The following YEATS2 variants were observed in gnomAD, a reference collection of about 807,000 sequenced individuals.
The protein encoded by YEATS2 is YEATS domain containing 2.
Under a neutral mutation model 163.2 loss-of-function variants are expected in YEATS2, and 77 were observed. The observed-to-expected ratio is 0.47, with a 90% CI of 0.39 to 0.57. The LOEUF (loss-of-function observed/expected upper bound fraction) is 0.57, where lower values mean the gene tolerates loss of function less well. Among genes scored for constraint, YEATS2 ranks in the 20% least tolerant of loss-of-function variants. YEATS2 has a pLI of 0.00. For synonymous variants in YEATS2, 631 were observed against 645.1 expected (o/e 0.98, Z 0.33); for missense variants, 1,549 against 1,729.8 (o/e 0.90, Z 1.85).
At chr3:183,786,092 A>G (rs768890694) in intron 19 of YEATS2, 33 bp from the exon 20 acceptor site, 1 of 1,601,174 alleles carries the variant, frequency 6.2e-7, no homozygotes, top group Non-Finnish European at 8.5e-7. Flanking sequence ...ATCCAAGGCA[A>G]CATGATTATT....
At position 183,733,845 on chromosome 3, in the gene YEATS2, C is replaced by CT. The variant is rs574799432; in HGVS notation, c.813-2862dup. 1.6e-3 allele frequency among the ~76,000 whole-genome samples: 237 copies of CT among 145,164 alleles called. No individual in the cohort carries two copies. In the Middle Eastern group the frequency reaches 0.025, roughly 15 times the overall value. On this transcript the variant is annotated intron_variant, in intron 7 of 30. Coordinates refer to ENST00000305135, the MANE Select transcript of YEATS2 (RefSeq NM_018023.5). Reference sequence around the variant, plus strand: ...CTAAAAGCCGTGATTGTGAACTTTGCTTTTTTTTTTTAGGTACAAGATAGT... The same window carrying CT: ...CTAAAAGCCGTGATTGTGAACTTTGCTTTTTTTTTTTTAGGTACAAGATAGT...
At chr3:183,787,843 A>C (rs1289041869) in intron 20 of YEATS2, among the ~76,000 whole-genome samples, 3 of 148,866 alleles carry the variant, frequency 2.0e-5, no homozygotes, top group Non-Finnish European at 4.5e-5. Context: ...TAAAAATACA[A>C]AAAAAAAAAA....
chr3:183,761,945 A>T, intron 14 of YEATS2, 152 bp from the exon 15 acceptor site: 2 of 1,018,324 alleles, frequency 2.0e-6, no homozygotes, highest in South Asian at 3.0e-5. Flanking sequence ...TTTAAGCAGT[A>T]TGTATATTTA....
chr3:183,701,203 C>T (rs573561828), intron 1 of YEATS2, among the ~76,000 whole-genome samples: 8 of 150,058 alleles, frequency 5.3e-5, no homozygotes, highest in African/African-American at 1.2e-4. Flanking sequence ...GCCTCAGCCT[C>T]CTGGGTAGGT....
intron 1 of YEATS2, among the ~76,000 whole-genome samples, chr3:183,700,760 G>A: frequency 9.9e-6 from 1 of 101,260 alleles, no homozygotes; most frequent in African/African-American, 4.0e-5. Flanking sequence ...GACAGAGGGA[G>A]ACTTCGTCTC....
intron 21 of YEATS2, among the ~76,000 whole-genome samples, chr3:183,795,272 A>G (rs1450799993): frequency 6.6e-6 from 1 of 151,760 alleles, no homozygotes; most frequent in Non-Finnish European, 1.5e-5. Context: ...TACAACATAT[A>G]CATTCCTTTT....
intron 6 of YEATS2, 85 bp downstream of exon 6, chr3:183,724,616 G>T: frequency 1.1e-6 from 1 of 916,264 alleles, no homozygotes; most frequent in Non-Finnish European, 1.6e-6. Context: ...ACAGTAGGAA[G>T]CAGCCTCAGG....
At position 183,810,590 on chromosome 3, in the gene YEATS2, T is replaced by C. The variant is rs1201760091; in HGVS notation, c.*7T>C. On this transcript the variant is annotated 3_prime_UTR_variant, in exon 31 of 31. Transcript: ENST00000305135. ...ATTGAATGAGGACCAGTGAGCGGAG[T>C]GAGGTGCCCTGGAGAAGCAGGCTTT... 6.2e-7 allele frequency: 1 copy of C among 1,611,868 alleles called. No homozygotes were observed. Among genetic ancestry groups the C allele is most frequent in the African/African-American group, 1.3e-5 (1 of 74,762 alleles).
In YEATS2 at chr3:183,776,128, G is replaced by A. The variant is rs369428943; in HGVS notation, c.2577+5G>A. The A allele has an allele frequency of 1.6e-4, 248 of 1,549,786 alleles. No homozygotes were observed. In the Middle Eastern group the frequency reaches 3.5e-3, roughly 22 times the overall value. ...ATCCTCAAGCAAACTCCCCAGGTCT[G>A]GTTCTCTGTAACTGATATTTTAAAT... On this transcript the variant is annotated splice_donor_5th_base_variant and intron_variant, in intron 18 of 30. Transcript: ENST00000305135.
intron 1 of YEATS2, among the ~76,000 whole-genome samples, chr3:183,700,620 A>T: frequency 8.2e-6 from 1 of 122,442 alleles, no homozygotes; most frequent in East Asian, 2.2e-4. Context: ...TTTTTTTGAG[A>T]CAGAATCACA....
chr3:183,762,497 G>A (rs562886013), intron 15 of YEATS2, among the ~76,000 whole-genome samples: 16 of 152,282 alleles, frequency 1.1e-4, no homozygotes, highest in African/African-American at 3.1e-4. Flanking sequence ...AAAGGATCCC[G>A]GAATGGGCCA....
At chr3:183,732,610 A>AGT (rs1184605086) in intron 7 of YEATS2, among the ~76,000 whole-genome samples, 1 of 151,172 alleles carries the variant, frequency 6.6e-6, no homozygotes, top group African/African-American at 2.4e-5. Flanking sequence ...CCCAGGCTGG[A>AGT]GTGCAGTGGC....
chr3:183,800,261 G>C (rs964693791), intron 23 of YEATS2, among the ~76,000 whole-genome samples: 3 of 152,202 alleles, frequency 2.0e-5, no homozygotes, highest in African/African-American at 7.2e-5. Flanking sequence ...GGCTGGAGTT[G>C]TCCTGAGACC....
At chr3:183,760,409 G>T (rs987044885) in intron 13 of YEATS2, among the ~76,000 whole-genome samples, 3 of 140,360 alleles carry the variant, frequency 2.1e-5, no homozygotes, top group African/African-American at 8.1e-5. Flanking sequence ...GCAACCTCCT[G>T]CCTCCTGAGT....
chr3:183,786,177 A>C lies in YEATS2; in HGVS notation c.2789A>C (p.Lys930Thr). ...SLMKISDSTLKTVPATSQLSK... is the reference protein window; with the variant it reads ...SLMKISDSTLTTVPATSQLSK... The stretch of plus-strand genomic sequence containing the variant: ...ATGAAAATATCCGATAGCACCTTGA[A>C]GACTGTGCCAGCCACCTCACAGCTC... The change falls in exon 20 of 31, where the codon AAG becomes ACG. Residue 930 changes from lysine (K) to threonine (T), a missense_variant. Transcript: ENST00000305135. 1.2e-6 allele frequency: 2 copies of C among 1,614,146 alleles called. No homozygotes were observed. The highest frequency in any genetic ancestry group is 1.7e-6 in the Non-Finnish European group (2 of 1,180,020).
At position 183,775,979 on chromosome 3, in the gene YEATS2, AGGAGGCGGCAGTGGCAGCGGT is replaced by A; in HGVS notation, c.2445_2465del (p.Gly816_Ser822del). On this transcript the variant is annotated inframe_deletion, in exon 18 of 31. Transcript: ENST00000305135. ...CCGGAGGAGGAGGAGGAGGAGGAGG[AGGAGGCGGCAGTGGCAGCGGT>A]GGAGGCGGCAGCACAGGAGGAGGAG... 2 of 1,607,274 alleles carry A rather than the reference AGGAGGCGGCAGTGGCAGCGGT, an allele frequency of 1.2e-6. No homozygotes were observed. The highest frequency in any genetic ancestry group is 2.2e-5 in the East Asian group (1 of 44,738).
chr3:183,736,944 C>T, intron 8 of YEATS2, 115 bp downstream of exon 8: 2 of 824,282 alleles, frequency 2.4e-6, no homozygotes, highest in South Asian at 1.9e-5. Flanking sequence ...TCACATACAA[C>T]TTTCGACTCC....
chr3:183,804,428 CAGG>C (rs1379284726), intron 27 of YEATS2, among the ~76,000 whole-genome samples: 5 of 152,234 alleles, frequency 3.3e-5, no homozygotes, highest in African/African-American at 1.2e-4. Context: ...ACTGTCCACT[CAGG>C]AGTCCCTGCT....
intron 30 of YEATS2, among the ~76,000 whole-genome samples, chr3:183,809,857 G>C (rs1726618966): frequency 6.6e-6 from 1 of 152,248 alleles, no homozygotes; most frequent in Non-Finnish European, 1.5e-5. Context: ...AGGACATGAA[G>C]GGCCTAAATC....
Sources: gnomAD v4.1 joint callset for allele counts (sites outside exome capture counted in the v4.1 genomes callset) on GRCh38, gnomAD v4.1.1 for gene constraint, MANE v1.5 for transcripts, NCBI Gene and HGNC (gene_info 2026-07-23, HGNC 2026-07-21) for gene names.